Variants in ZNF512 observed in about 807,000 individuals in gnomAD.
ZNF512 encodes the protein zinc finger protein 512.
In ZNF512, 25 loss-of-function variants were observed where a neutral mutation model predicts 77.5. The observed-to-expected ratio is 0.32, with a 90% CI of 0.23 to 0.45. The LOEUF (loss-of-function observed/expected upper bound fraction) is 0.45. Ranked by LOEUF, ZNF512 falls within the 20% of genes least tolerant of loss-of-function variation. ZNF512 has a pLI of 1.00. For missense variants in ZNF512, 483 were observed against 692.6 expected (o/e 0.70, Z 3.40); for synonymous variants, 246 against 239.9 (o/e 1.03, Z -0.24).
In ZNF512 at chr2:27,622,819, T is replaced by C. The variant is rs1234145541; in HGVS notation, c.*1358T>C. 6.5e-6 allele frequency: 1 copy of C among 152,824 alleles called. No homozygotes were observed. Among genetic ancestry groups the C allele is most frequent in the Non-Finnish European group, 1.5e-5 (1 of 68,050 alleles). The allele number at this position is 152,824 out of a possible 1,614,324, so 9.5% of individuals were successfully genotyped here. ...CTATTACCACTTTAACTCTTTGTGC[T>C]CCTCCAAATAGCTTTAAAATGTGGG... On this transcript the variant is annotated 3_prime_UTR_variant, in exon 14 of 14. Transcript: ENST00000355467.
At chr2:27,610,222 G>T (rs1672552309) in intron 10 of ZNF512, among the ~76,000 whole-genome samples, 1 of 149,352 alleles carries the variant, frequency 6.7e-6, no homozygotes, top group Non-Finnish European at 1.5e-5. Flanking sequence ...AAATTAGCTG[G>T]GCATGGTGGT....
chr2:27,592,042 T>C (rs962493121), intron 2 of ZNF512, among the ~76,000 whole-genome samples: 2 of 152,224 alleles, frequency 1.3e-5, no homozygotes, highest in Admixed American at 1.3e-4. Context: ...CAGGCTGGAA[T>C]GCAGTGGCGC....
intron 11 of ZNF512, among the ~76,000 whole-genome samples, chr2:27,615,967 TA>T (rs1035144833): frequency 3.3e-5 from 5 of 152,012 alleles, no homozygotes; most frequent in Non-Finnish European, 7.4e-5. Context: ...AAGCAGATTT[TA>T]AAAAAAACTA....
At chr2:27,609,729 C>A (rs367625602) in intron 10 of ZNF512, among the ~76,000 whole-genome samples, 2 of 152,078 alleles carry the variant, frequency 1.3e-5, no homozygotes, top group African/African-American at 4.8e-5. Context: ...ATTAGCTGGA[C>A]GTGGAGGCGA....
In ZNF512 at chr2:27,607,818, G is replaced by A. The variant is rs772420338; in HGVS notation, c.937-27G>A. ...GTGATGGATGCCACTTATCAGGCCT[G>A]TGTTTTGCTGTGTCTCATTCTTGCA... On this transcript the variant is annotated intron_variant, in intron 9 of 13. Coordinates refer to ENST00000355467, the MANE Select transcript of ZNF512 (RefSeq NM_032434.4). The A allele has an allele frequency of 1.9e-6, 3 of 1,612,456 alleles. No individual in the cohort carries two copies. In the South Asian group the frequency reaches 3.3e-5, roughly 18 times the overall value.
rs776720451 is a variant in ZNF512 at position 27,615,178 on chromosome 2, C to T, written c.1142C>T (p.Thr381Ile). 2 of 1,589,718 alleles carry T rather than the reference C, an allele frequency of 1.3e-6. No homozygotes were observed. The highest frequency in any genetic ancestry group is 1.7e-6 in the Non-Finnish European group (2 of 1,165,790). Residue 381 changes from threonine (T) to isoleucine (I), a missense_variant, in exon 11 of 14, where the codon ACT (threonine) becomes ATT (isoleucine). Physicochemically the swap from Thr to Ile is moderately conservative, Grantham distance 89. Coordinates refer to ENST00000355467, the MANE Select transcript of ZNF512 (RefSeq NM_032434.4). Reference sequence around the variant, plus strand: ...TGTCTTGTCTTGTAGTTAAAATATACTCGTCCAGGGCTCCCTACCTTCAGC... The same window carrying T: ...TGTCTTGTCTTGTAGTTAAAATATATTCGTCCAGGGCTCCCTACCTTCAGC... The part of the protein sequence containing the change: ...LVPDDRKLKY[T>I]RPGLPTFSQE...
At chr2:27,592,667 CTTTTTTTTTTTTT>C (rs139890307) in intron 2 of ZNF512, among the ~76,000 whole-genome samples, 1,100 of 81,628 alleles carry the variant, frequency 0.013, 24 homozygotes, top group African/African-American at 0.042. Context: ...CCATGTTTAC[CTTTTTTTTTTTTT>C]TTTTTTTTTT....
At chr2:27,612,895 C>T (rs954940044) in intron 10 of ZNF512, among the ~76,000 whole-genome samples, 9 of 151,866 alleles carry the variant, frequency 5.9e-5, no homozygotes, top group African/African-American at 2.2e-4. Context: ...TTTGGGTTTC[C>T]CCTACATCCT....
At chr2:27,599,734 G>A (rs1002650978) in intron 4 of ZNF512, 56 bp downstream of exon 4, 5 of 1,504,648 alleles carry the variant, frequency 3.3e-6, no homozygotes, top group East Asian at 4.5e-5. Context: ...TTTATTCTTT[G>A]AGGGTAAAGG....
chr2:27,587,102 G>C (rs7597578), intron 2 of ZNF512, among the ~76,000 whole-genome samples: 1 of 151,976 alleles, frequency 6.6e-6, no homozygotes, highest in African/African-American at 2.4e-5. Context: ...ACCATCCTAG[G>C]TTGGTTGATT....
At chr2:27,612,526 G>A (rs565790500) in intron 10 of ZNF512, among the ~76,000 whole-genome samples, 8 of 152,124 alleles carry the variant, frequency 5.3e-5, no homozygotes, top group Non-Finnish European at 1.2e-4. Flanking sequence ...CTATCTGTAT[G>A]TATATTAAAA....
At chr2:27,619,294 T>G (rs1673024005) in intron 13 of ZNF512, among the ~76,000 whole-genome samples, 1 of 152,002 alleles carries the variant, frequency 6.6e-6, no homozygotes, top group Admixed American at 6.6e-5. Flanking sequence ...TCCCAGCTAC[T>G]TGGGAGGCTG....
chr2:27,592,761 C>T (rs1390434807), intron 2 of ZNF512, among the ~76,000 whole-genome samples: 4 of 138,824 alleles, frequency 2.9e-5, no homozygotes, highest in African/African-American at 7.8e-5. Context: ...TCTTGGCTCA[C>T]CACAACCTCT....
At chr2:27,590,354 A>G (rs998658728) in intron 2 of ZNF512, among the ~76,000 whole-genome samples, 1 of 152,130 alleles carries the variant, frequency 6.6e-6, no homozygotes, top group African/African-American at 2.4e-5. Flanking sequence ...GTTTTATCTG[A>G]TATTAAAATA....
chr2:27,603,125 C>G lies in ZNF512; in HGVS notation c.769-15C>G. 6.2e-7 allele frequency: 1 copy of G among 1,613,392 alleles called. No homozygotes were observed. Among genetic ancestry groups the G allele is most frequent in the Non-Finnish European group, 8.5e-7 (1 of 1,179,558 alleles). ...AGATGTAAGATTATAGTTTAGGCTT[C>G]TCTCCTCTGTTCAGAGTTGCTCCAG... On this transcript the variant is annotated splice_polypyrimidine_tract_variant and intron_variant, in intron 8 of 13. Transcript: ENST00000355467.
intron 4 of ZNF512, 84 bp downstream of exon 4, chr2:27,599,762 T>C (rs1039594324): frequency 7.3e-7 from 1 of 1,370,532 alleles, no homozygotes; most frequent in African/African-American, 1.4e-5. Flanking sequence ...AGCCTTAGTT[T>C]GAGCCCTTCA....
chr2:27,586,557 A>C (rs1474201050), intron 2 of ZNF512, among the ~76,000 whole-genome samples: 1 of 152,094 alleles, frequency 6.6e-6, no homozygotes, highest in Non-Finnish European at 1.5e-5. Flanking sequence ...ATTGTTTGGG[A>C]TGGTAGGTTT....
chr2:27,599,558 G>A, intron 3 of ZNF512, 25 bp from the exon 4 acceptor site: 1 of 1,587,170 alleles, frequency 6.3e-7, no homozygotes. Context: ...CTGAGTTTTT[G>A]TTTTGTTTTT....
At chr2:27,603,875 G>C (rs1287870311) in intron 9 of ZNF512, among the ~76,000 whole-genome samples, 1 of 151,574 alleles carries the variant, frequency 6.6e-6, no homozygotes, top group Non-Finnish European at 1.5e-5. Flanking sequence ...TGGGATTATA[G>C]GTGCGAGCCA....
Sources: allele counts gnomAD v4.1 joint callset (sites outside exome capture counted in the v4.1 genomes callset), GRCh38; gene constraint gnomAD v4.1.1; transcripts MANE v1.5; gene names NCBI Gene and HGNC (gene_info 2026-07-23, HGNC 2026-07-21).